CDH18: variants seen among roughly 807,000 people sequenced by gnomAD.
CDH18 encodes the protein cadherin 18, also known as cadherin-18.
CDH18 carries 31 observed loss-of-function variants against 67.9 expected under a neutral mutation model. The ratio of observed to expected loss-of-function variants is 0.46; its 90% CI spans 0.34 to 0.62. The LOEUF is 0.62. Among genes scored for constraint, CDH18 ranks in the 20% least tolerant of loss-of-function variants. CDH18 has a pLI of 0.01. For missense variants in CDH18, 890 were observed against 975.5 expected, an observed-to-expected ratio of 0.91 and a Z score of 1.17; for synonymous variants, 362 against 347.2, an observed-to-expected ratio of 1.04 and a Z score of -0.48.
At chr5:20,506,078 TC>T (rs1054633777) in intron 1 of CDH18, among the ~76,000 whole-genome samples, 1 of 152,190 alleles carries the variant, frequency 6.6e-6, no homozygotes, top group Non-Finnish European at 1.5e-5. Flanking sequence ...TGACACATTT[TC>T]AATTCAGTTA....
intron 5 of CDH18, among the ~76,000 whole-genome samples, chr5:19,657,872 G>A (rs1211444123): frequency 6.6e-6 from 1 of 152,086 alleles, no homozygotes; most frequent in Non-Finnish European, 1.5e-5. Flanking sequence ...CAGAAAGTCT[G>A]CAGTTTGCCT....
chr5:20,246,434 TAGC>T (rs1365315956), intron 2 of CDH18, among the ~76,000 whole-genome samples: 1 of 152,222 alleles, frequency 6.6e-6, no homozygotes, highest in Non-Finnish European at 1.5e-5. Context: ...CTCTTTTAAA[TAGC>T]AGATCTGTTG....
chr5:19,616,059 T>C (rs1479303421), intron 5 of CDH18, among the ~76,000 whole-genome samples: 1 of 152,170 alleles, frequency 6.6e-6, no homozygotes, highest in African/African-American at 2.4e-5. Flanking sequence ...ATAAGTGTGG[T>C]TTCTGGATTG....
intron 6 of CDH18, among the ~76,000 whole-genome samples, 167 bp downstream of exon 6, chr5:19,612,267 A>G (rs967673129): frequency 3.6e-4 from 55 of 152,194 alleles, no homozygotes; most frequent in Non-Finnish European, 1.5e-5. Context: ...TCAGAAGACA[A>G]TAGCTGGAGT....
At chr5:20,413,846 G>C (rs1396817546) in intron 1 of CDH18, among the ~76,000 whole-genome samples, 1 of 152,090 alleles carries the variant, frequency 6.6e-6, no homozygotes, top group Non-Finnish European at 1.5e-5. Flanking sequence ...TTTGGCTTTT[G>C]TTGCCATTGC....
chr5:19,959,616 C>A (rs1394188083), intron 2 of CDH18, among the ~76,000 whole-genome samples: 1 of 152,010 alleles, frequency 6.6e-6, no homozygotes, highest in Admixed American at 6.6e-5. Context: ...ACTATAAATA[C>A]AGGTGGTTTA....
intron 2 of CDH18, among the ~76,000 whole-genome samples, chr5:20,209,133 A>G (rs1209923502): frequency 6.6e-6 from 1 of 152,072 alleles, no homozygotes; most frequent in East Asian, 1.9e-4. Flanking sequence ...AGAAAGGGGA[A>G]TGTGTGTATA....
intron 5 of CDH18, among the ~76,000 whole-genome samples, chr5:19,637,906 A>C (rs1175959907): frequency 6.6e-6 from 1 of 152,178 alleles, no homozygotes; most frequent in Non-Finnish European, 1.5e-5. Context: ...ATCCTGAATA[A>C]AATCTGTGTA....
chr5:20,500,602 C>T (rs1192725129), intron 1 of CDH18, among the ~76,000 whole-genome samples: 9 of 152,202 alleles, frequency 5.9e-5, no homozygotes, highest in East Asian at 1.9e-4. Flanking sequence ...AGATCTGCTT[C>T]GGACATGCAC....
At chr5:20,399,226 T>C (rs1006505335) in intron 1 of CDH18, among the ~76,000 whole-genome samples, 5 of 152,198 alleles carry the variant, frequency 3.3e-5, no homozygotes, top group Non-Finnish European at 7.3e-5. Flanking sequence ...AAAGTGTTTC[T>C]GTTTACTCTT....
At chr5:19,984,145 T>G (rs13355447) in intron 1 of CDH18, among the ~76,000 whole-genome samples, 14,699 of 152,112 alleles carry the variant, frequency 0.097, 2,004 homozygotes, top group African/African-American at 0.31. Context: ...TTTATTTTAT[T>G]TAAATATATA....
intron 2 of CDH18, among the ~76,000 whole-genome samples, chr5:19,859,339 C>T (rs1784628135): frequency 6.6e-6 from 1 of 152,064 alleles, no homozygotes; most frequent in South Asian, 2.1e-4. Context: ...TTCCAGCTGA[C>T]CCTAGTATAG....
At chr5:20,202,202 C>T (rs1739503413) in intron 2 of CDH18, among the ~76,000 whole-genome samples, 2 of 152,092 alleles carry the variant, frequency 1.3e-5, no homozygotes, top group Non-Finnish European at 2.9e-5. Flanking sequence ...CATTCCAGGA[C>T]ATATTATTGA....
rs532426711 is a variant in CDH18 at position 20,131,896 on chromosome 5, G to A, written c.-518+123548C>T. ...AGTGTTTTTTTTTGTTGTTGTTGTTGTTGTTTTTGAAATGAAGTTTCACTC... is the reference window on the plus strand; with the variant it reads ...AGTGTTTTTTTTTGTTGTTGTTGTTATTGTTTTTGAAATGAAGTTTCACTC... On this transcript the variant is annotated intron_variant, in intron 2 of 14. Coordinates refer to the CDH18 transcript ENST00000507958. Among the ~76,000 whole-genome samples, 17 of 151,770 alleles carry A rather than the reference G, an allele frequency of 1.1e-4. No individual in the cohort carries two copies. In the South Asian group the frequency reaches 3.3e-3, roughly 30 times the overall value.
At chr5:20,366,614 A>G (rs1247815877) in intron 1 of CDH18, among the ~76,000 whole-genome samples, 1 of 152,126 alleles carries the variant, frequency 6.6e-6, no homozygotes, top group East Asian at 1.9e-4. Context: ...AAGCGGCTTT[A>G]CCTCTTAATG....
chr5:19,474,869 C>T (rs1444315838), intron 12 of CDH18, among the ~76,000 whole-genome samples: 1 of 151,916 alleles, frequency 6.6e-6, no homozygotes, highest in South Asian at 2.1e-4. Flanking sequence ...TTTGCTTTGG[C>T]CATTTATCAA....
chr5:20,146,313 G>A (rs572765178), intron 2 of CDH18, among the ~76,000 whole-genome samples: 1 of 152,164 alleles, frequency 6.6e-6, no homozygotes, highest in South Asian at 2.1e-4. Context: ...GTCTTAATTA[G>A]GATGATTCAG....
chr5:20,046,954 T>C (rs1740955021), intron 2 of CDH18, among the ~76,000 whole-genome samples: 1 of 151,932 alleles, frequency 6.6e-6, no homozygotes, highest in Non-Finnish European at 1.5e-5. Context: ...TGTATACATA[T>C]GTAACTAACC....
At chr5:19,536,610 T>C (rs527677722) in intron 9 of CDH18, among the ~76,000 whole-genome samples, 1 of 152,298 alleles carries the variant, frequency 6.6e-6, no homozygotes, top group East Asian at 1.9e-4. Flanking sequence ...TTAAATCAAA[T>C]TGTGGTTAGA....
Sources: allele counts gnomAD v4.1 joint callset (sites outside exome capture counted in the v4.1 genomes callset), GRCh38; gene constraint gnomAD v4.1.1; transcripts MANE v1.5; gene names NCBI Gene and HGNC (gene_info 2026-07-23, HGNC 2026-07-21).